GPC6: variants seen among roughly 807,000 people sequenced by gnomAD.
The protein encoded by GPC6 is glypican-6.
A neutral mutation model predicts 55.2 loss-of-function variants in GPC6; 14 were observed. The observed-to-expected ratio is 0.25, with a 90% CI of 0.17 to 0.40. The LOEUF (loss-of-function observed/expected upper bound fraction) is 0.40. Ranked by LOEUF, GPC6 falls within the 10% of genes least tolerant of loss-of-function variation. The pLI, the probability that GPC6 is intolerant of heterozygous loss-of-function variation, is 1.00. For synonymous variants in GPC6, 278 were observed against 259.6 expected, an observed-to-expected ratio of 1.07 and a Z score of -0.68; for missense variants, 641 against 708.5, an observed-to-expected ratio of 0.90 and a Z score of 1.08.
chr13:93,760,603 C>T (rs1160981644), intron 2 of GPC6, among the ~76,000 whole-genome samples: 1 of 152,066 alleles, frequency 6.6e-6, no homozygotes, highest in Non-Finnish European at 1.5e-5. Context: ...TCTAAAAATG[C>T]CATGTCAATT....
At chr13:93,641,250 T>G (rs2139586350) in intron 2 of GPC6, among the ~76,000 whole-genome samples, 1 of 145,738 alleles carries the variant, frequency 6.9e-6, no homozygotes, top group Non-Finnish European at 1.5e-5. Context: ...CACACCCCAC[T>G]TTTAGAAGAA....
At chr13:93,588,552 GA>G (rs1312051201) in intron 2 of GPC6, among the ~76,000 whole-genome samples, 2 of 152,124 alleles carry the variant, frequency 1.3e-5, no homozygotes, top group African/African-American at 4.8e-5. Flanking sequence ...GGTAATTTAT[GA>G]AAAAAAGAGA....
intron 2 of GPC6, among the ~76,000 whole-genome samples, chr13:93,793,041 G>T (rs1357916530): frequency 6.6e-6 from 1 of 152,112 alleles, no homozygotes; most frequent in South Asian, 2.1e-4. Flanking sequence ...TAATGCCGGC[G>T]AAATTTGATT....
intron 4 of GPC6, among the ~76,000 whole-genome samples, chr13:94,267,109 C>T (rs1256388665): frequency 1.3e-5 from 2 of 152,064 alleles, no homozygotes; most frequent in Non-Finnish European, 2.9e-5. Flanking sequence ...TCACCAACAA[C>T]AAAAATGGAA....
intron 1 of GPC6, among the ~76,000 whole-genome samples, chr13:93,440,945 T>G (rs147212786): frequency 0.025 from 3,737 of 151,734 alleles, 175 homozygotes; most frequent in African/African-American, 0.085. Flanking sequence ...ACATGCGGTA[T>G]TTGGTTTTTT....
chr13:94,212,270 C>G (rs1488059346), intron 4 of GPC6, among the ~76,000 whole-genome samples: 1 of 152,088 alleles, frequency 6.6e-6, no homozygotes, highest in African/African-American at 2.4e-5. Context: ...ATATGAGAAG[C>G]TTGGCCTGCT....
rs1395465284 is a variant in GPC6 at position 94,146,114 on chromosome 13, C to T, written c.877+118220C>T. ...CTGATATTTCTGCTTTGTGGAAGCT[C>T]GCAGTGTGATCCATAATCATGTCAC... On this transcript the variant is annotated intron_variant, in intron 4 of 8. Transcript: ENST00000377047. Among the ~76,000 whole-genome samples, 6 of 152,234 alleles carry T rather than the reference C, an allele frequency of 3.9e-5. No individual in the cohort carries two copies. In the South Asian group the frequency reaches 1.0e-3, roughly 26 times the overall value.
chr13:93,262,580 A>C (rs997342696), intron 1 of GPC6, among the ~76,000 whole-genome samples: 5 of 152,240 alleles, frequency 3.3e-5, no homozygotes, highest in African/African-American at 1.2e-4. Flanking sequence ...GTGATAGTTT[A>C]TAGAAATATT....
At chr13:93,258,498 T>C (rs1245682499) in intron 1 of GPC6, among the ~76,000 whole-genome samples, 3 of 152,176 alleles carry the variant, frequency 2.0e-5, no homozygotes. Context: ...TGTTCCTACT[T>C]GTCTTCCTAT....
intron 1 of GPC6, among the ~76,000 whole-genome samples, chr13:93,401,421 C>T (rs535420140): frequency 6.6e-6 from 1 of 152,034 alleles, no homozygotes; most frequent in South Asian, 2.1e-4. Context: ...TAATAGAAAA[C>T]ACTGCATTAA....
At chr13:93,498,071 C>T (rs894182243) in intron 1 of GPC6, among the ~76,000 whole-genome samples, 2 of 152,150 alleles carry the variant, frequency 1.3e-5, no homozygotes, top group Non-Finnish European at 2.9e-5. Context: ...CCCAGGTGGC[C>T]GTACTTTAAG....
rs1197425258 is a variant in GPC6 at position 93,231,419 on chromosome 13, ATATACG to A, written c.160+3808_160+3813del. On this transcript the variant is annotated intron_variant, in intron 1 of 8. Transcript: ENST00000377047. ...TATGTATATATATATATATATATAT[ATATACG>A]TATATATATATATATAGTCTGGTAT... 9.8e-4 allele frequency among the ~76,000 whole-genome samples: 50 copies of A among 51,154 alleles called. 1 individual carries two copies. Among genetic ancestry groups the A allele is most frequent in the African/African-American group, 4.0e-3 (44 of 11,030 alleles). The allele number at this position is 51,154 out of a possible 152,430, so 33.6% of individuals were successfully genotyped here.
At chr13:93,384,841 A>G (rs575835365) in intron 1 of GPC6, among the ~76,000 whole-genome samples, 6 of 152,320 alleles carry the variant, frequency 3.9e-5, no homozygotes, top group African/African-American at 9.6e-5. Context: ...TTTTTTCAGC[A>G]TACATTTTCC....
chr13:93,562,399 C>A (rs951262790), intron 2 of GPC6, among the ~76,000 whole-genome samples: 2 of 152,126 alleles, frequency 1.3e-5, no homozygotes, highest in Admixed American at 1.3e-4. Context: ...GAAATTGAAA[C>A]AGGATACTAT....
intron 2 of GPC6, among the ~76,000 whole-genome samples, chr13:93,777,803 A>G (rs1022151722): frequency 4.6e-5 from 7 of 152,190 alleles, no homozygotes; most frequent in African/African-American, 1.4e-4. Context: ...TTATGTCTAC[A>G]TCTGTATCTG....
chr13:93,767,262 C>T (rs574590095), intron 2 of GPC6, among the ~76,000 whole-genome samples: 1 of 152,154 alleles, frequency 6.6e-6, no homozygotes, highest in East Asian at 1.9e-4. Context: ...CTATTTAATG[C>T]ACCATGAAAA....
At chr13:93,719,900 T>C (rs1566502887) in intron 2 of GPC6, among the ~76,000 whole-genome samples, 2 of 152,180 alleles carry the variant, frequency 1.3e-5, no homozygotes, top group African/African-American at 4.8e-5. Context: ...GATTTGCATA[T>C]GTTGAACCAG....
intron 1 of GPC6, among the ~76,000 whole-genome samples, chr13:93,383,837 G>T (rs759593585): frequency 2.6e-5 from 4 of 151,872 alleles, no homozygotes; most frequent in South Asian, 2.1e-4. Flanking sequence ...TGTGCTAAAT[G>T]TTTATGTTTT....
chr13:94,331,959 A>G lies in GPC6; in HGVS notation c.1152+25836A>G, dbSNP rs1014373768. Among the ~76,000 whole-genome samples the G allele has an allele frequency of 2.6e-5, 4 of 152,292 alleles. No individual in the cohort carries two copies. In the East Asian group the frequency reaches 7.7e-4, roughly 29 times the overall value. ...TTTTCTTCTCGTCAATAAGCGATGG[A>G]GAAATCTAAAGTCATGTAAGATTTT... On this transcript the variant is annotated intron_variant, in intron 6 of 8. Coordinates refer to ENST00000377047, the MANE Select transcript of GPC6 (RefSeq NM_005708.5).
Sources: gnomAD v4.1 joint callset for allele counts (sites outside exome capture counted in the v4.1 genomes callset) on GRCh38, gnomAD v4.1.1 for gene constraint, MANE v1.5 for transcripts, NCBI Gene and HGNC (gene_info 2026-07-23, HGNC 2026-07-21) for gene names.